CDC42EP2: variants seen among roughly 807,000 people sequenced by gnomAD.
CDC42EP2 encodes the protein CDC42 effector protein (Rho GTPase binding) 2.
CDC42EP2 carries 5 observed loss-of-function variants against 7.3 expected under a neutral mutation model. The observed-to-expected ratio is 0.68, with a 90% CI of 0.36 to 1.44. CDC42EP2 has a LOEUF of 1.44. CDC42EP2 is among the 40% of genes most tolerant of loss of function. The pLI, the probability that CDC42EP2 is intolerant of heterozygous loss-of-function variation, is 0.04. For synonymous variants in CDC42EP2, 113 were observed against 123.6 expected, an observed-to-expected ratio of 0.91 and a Z score of 0.57; for missense variants, 251 against 282.6, an observed-to-expected ratio of 0.89 and a Z score of 0.80.
rs1451764642 is a variant in CDC42EP2 at position 65,315,777 on chromosome 11, C to CCGG, written c.-356+823_-356+824insCGG. ...GCGGCCGCGGAGCCGGGCACCTCTC[C>CCGG]GGAGGCACCGGGACCCCGGGAGACC... On this transcript the variant is annotated intron_variant, in intron 1 of 1. Coordinates refer to ENST00000279249, the MANE Select transcript of CDC42EP2 (RefSeq NM_006779.4). This position sits in a 1 kb window ranked among gnomAD's most constrained non-coding sequence, Gnocchi z 4.1. Among the ~76,000 whole-genome samples, 1 of 152,170 alleles carries CCGG rather than the reference C, an allele frequency of 6.6e-6. No homozygotes were observed. The highest frequency in any genetic ancestry group is 1.5e-5 in the Non-Finnish European group (1 of 68,026).
At chr11:65,318,262 A>ATT (rs1162114989) in intron 1 of CDC42EP2, among the ~76,000 whole-genome samples, 1 of 132,576 alleles carries the variant, frequency 7.5e-6, no homozygotes, top group East Asian at 2.2e-4. Context: ...CACCTGGCAA[A>ATT]TTTTTTTTTT....
In CDC42EP2 at chr11:65,320,755, T is replaced by C; in HGVS notation, c.-144T>C. The C allele has an allele frequency of 1.3e-6, 1 of 776,020 alleles. No homozygotes were observed. The highest frequency in any genetic ancestry group is 2.0e-6 in the Non-Finnish European group (1 of 491,012). 48.1% of individuals were successfully genotyped at this position (776,020 alleles called of 1,614,324 possible). On this transcript the variant is annotated 5_prime_UTR_variant, in exon 2 of 2. Transcript: ENST00000279249. ...GCCAACTTTGTTCGTGCCCCCACAC[T>C]GTAGCCAGAAGCCCGTTGGCGAGCT... is the stretch of plus-strand genomic sequence containing the variant.
At chr11:65,320,389 T>C (rs959954946) in intron 1 of CDC42EP2, among the ~76,000 whole-genome samples, 155 bp from the exon 2 acceptor site, 1 of 152,120 alleles carries the variant, frequency 6.6e-6, no homozygotes, top group Non-Finnish European at 1.5e-5. Flanking sequence ...AAGAATTGCT[T>C]GAACCTGGGA....
In CDC42EP2 at chr11:65,320,635, T is replaced by C; in HGVS notation, c.-264T>C. 2.1e-6 allele frequency: 1 copy of C among 472,792 alleles called. No homozygotes were observed. Among genetic ancestry groups the C allele is most frequent in the Non-Finnish European group, 3.8e-6 (1 of 260,394 alleles). 29.3% of individuals were successfully genotyped at this position (472,792 alleles called of 1,614,324 possible). ...CAGTTCCTACCTTTCTGGCTTCAAT[T>C]CTTCAGAAGAGTTTGCCGTCCTTTG... is the stretch of plus-strand genomic sequence containing the variant. On this transcript the variant is annotated 5_prime_UTR_variant, in exon 2 of 2. Transcript: ENST00000279249.
chr11:65,318,614 G>A (rs187945196), intron 1 of CDC42EP2, among the ~76,000 whole-genome samples: 1,568 of 151,854 alleles, frequency 0.01, 30 homozygotes, highest in African/African-American at 0.036. Context: ...TAGTAGAGAC[G>A]GGGTTTCACC....
In CDC42EP2 at chr11:65,321,392, C is replaced by G. The variant is rs757121864; in HGVS notation, c.494C>G (p.Pro165Arg). ...GGCTCCCCCAACAGTGGACTGACCCCGGAGTCAGGGGCCGAGGAGCCCTTC... is the reference window on the plus strand; with the variant it reads ...GGCTCCCCCAACAGTGGACTGACCCGGGAGTCAGGGGCCGAGGAGCCCTTC... ...ETGSPNSGLT[P>R]ESGAEEPFLS... The change falls in exon 2 of 2, where the codon CCG (proline) becomes CGG (arginine). Residue 165 changes from proline (P) to arginine (R), a missense_variant. Physicochemically the swap from Pro to Arg is moderately radical, Grantham distance 103. Transcript: ENST00000279249. This position sits in a 1 kb window ranked among gnomAD's most constrained non-coding sequence, Gnocchi z 4.4. The G allele has an allele frequency of 1.2e-5, 19 of 1,613,654 alleles. No homozygotes were observed. The highest frequency in any genetic ancestry group is 1.5e-5 in the Non-Finnish European group (18 of 1,180,042).
chr11:65,321,049 A>T lies in CDC42EP2; in HGVS notation c.151A>T (p.Met51Leu), dbSNP rs888337019. Reference sequence around the variant, plus strand: ...TATTGGCAGTGGCGGCGGCAGTGACATGTTTGGCGACATCTCCTTCCTGCA... The same window carrying T: ...TATTGGCAGTGGCGGCGGCAGTGACTTGTTTGGCGACATCTCCTTCCTGCA... ...IHIGSGGGSDMFGDISFLQGK... is the reference protein window; with the variant it reads ...IHIGSGGGSDLFGDISFLQGK... Residue 51 changes from methionine (M) to leucine (L), a missense_variant, in exon 2 of 2, where the codon ATG becomes TTG. Physicochemically the swap from Met to Leu is conservative, Grantham distance 15. Coordinates refer to ENST00000279249, the MANE Select transcript of CDC42EP2 (RefSeq NM_006779.4). This position sits in a 1 kb window ranked among gnomAD's most constrained non-coding sequence, Gnocchi z 4.4. The T allele has an allele frequency of 1.9e-6, 3 of 1,613,908 alleles. No homozygotes were observed. Among genetic ancestry groups the T allele is most frequent in the Non-Finnish European group, 2.5e-6 (3 of 1,180,012 alleles).
intron 1 of CDC42EP2, among the ~76,000 whole-genome samples, chr11:65,319,154 A>C (rs367784223): frequency 1.5e-5 from 2 of 131,924 alleles, no homozygotes; most frequent in Non-Finnish European, 3.2e-5. Context: ...TTTTTGATGG[A>C]GTCTTCCTCT....
Position 65,320,934 on chromosome 11 carries a change from C to T in CDC42EP2, c.36C>T (p.Gly12=). ...STKVPIYLKR[G]SRKGKKEKLR... ...AGGTGCCCATCTATCTGAAGCGTGGCAGTCGCAAGGGCAAGAAGGAGAAGC... is the reference window on the plus strand; with the variant it reads ...AGGTGCCCATCTATCTGAAGCGTGGTAGTCGCAAGGGCAAGAAGGAGAAGC... Residue 12 remains glycine (G), a synonymous_variant, in exon 2 of 2, where the codon GGC becomes GGT. Coordinates refer to ENST00000279249, the MANE Select transcript of CDC42EP2 (RefSeq NM_006779.4). The T allele has an allele frequency of 6.2e-7, 1 of 1,609,162 alleles. No individual in the cohort carries two copies. Among genetic ancestry groups the T allele is most frequent in the South Asian group, 1.1e-5 (1 of 90,960 alleles).
rs767491989 is a variant in CDC42EP2, at chr11:65,321,597, C to T, written c.*66C>T. On this transcript the variant is annotated 3_prime_UTR_variant, in exon 2 of 2. Transcript: ENST00000279249. The surrounding 1 kb of genome is among the most constrained non-coding windows in gnomAD (Gnocchi z 4.4). The stretch of plus-strand genomic sequence containing the variant: ...GCCAGGAGGTGGGGTGTGGACCCGG[C>T]CCTGGCGGCGGAGTCAGGGTCCCAA... 1.3e-5 allele frequency: 19 copies of T among 1,467,494 alleles called. No individual in the cohort carries two copies. The highest frequency in any genetic ancestry group is 1.7e-5 in the Non-Finnish European group (18 of 1,084,482). The allele number at this position is 1,467,494 out of a possible 1,614,324, so 90.9% of individuals were successfully genotyped here. A position where few individuals can be genotyped will look rare whatever the true frequency, so the allele number is the denominator to read the frequency against.
intron 1 of CDC42EP2, among the ~76,000 whole-genome samples, chr11:65,318,962 A>C (rs995710772): frequency 5.3e-5 from 7 of 132,234 alleles, no homozygotes; most frequent in African/African-American, 8.7e-5. Flanking sequence ...CAACATGCAT[A>C]TGTGTCAGAG....
chr11:65,318,158 C>T (rs187995301), intron 1 of CDC42EP2, among the ~76,000 whole-genome samples: 116 of 151,876 alleles, frequency 7.6e-4, no homozygotes, highest in African/African-American at 2.7e-3. Flanking sequence ...TGCAGTGGCA[C>T]GATCTAGGCC....
At position 65,322,319 on chromosome 11, in the gene CDC42EP2, CTGGGG is replaced by C. The variant is rs1949979604; in HGVS notation, c.*793_*797del. ...ATGTTTGGCAAGAGGTGGCTGAGCA[CTGGGG>C]TGGGCTTGGCACTGTGCCAAGCCTG... On this transcript the variant is annotated 3_prime_UTR_variant, in exon 2 of 2. Transcript: ENST00000279249. The C allele has an allele frequency of 6.0e-6, 1 of 166,998 alleles. No individual in the cohort carries two copies. Among genetic ancestry groups the C allele is most frequent in the Non-Finnish European group, 1.5e-5 (1 of 68,154 alleles). 10.3% of individuals were successfully genotyped at this position (166,998 alleles called of 1,614,324 possible). A position where few individuals can be genotyped will look rare whatever the true frequency, so the allele number is the denominator to read the frequency against.
In CDC42EP2 at chr11:65,321,594, C is replaced by G; in HGVS notation, c.*63C>G. The G allele has an allele frequency of 6.8e-7, 1 of 1,464,670 alleles. No homozygotes were observed. Among genetic ancestry groups the G allele is most frequent in the Non-Finnish European group, 9.2e-7 (1 of 1,083,250 alleles). The allele number at this position is 1,464,670 out of a possible 1,614,324, so 90.7% of individuals were successfully genotyped here. ...CCAGCCAGGAGGTGGGGTGTGGACC[C>G]GGCCCTGGCGGCGGAGTCAGGGTCC... On this transcript the variant is annotated 3_prime_UTR_variant, in exon 2 of 2. Transcript: ENST00000279249. The surrounding 1 kb of genome is among the most constrained non-coding windows in gnomAD (Gnocchi z 4.4).
At position 65,315,488 on chromosome 11, in the gene CDC42EP2, G is replaced by A. The variant is rs1433453283; in HGVS notation, c.-356+534G>A. On this transcript the variant is annotated intron_variant, in intron 1 of 1. Coordinates refer to ENST00000279249, the MANE Select transcript of CDC42EP2 (RefSeq NM_006779.4). This position sits in a 1 kb window ranked among gnomAD's most constrained non-coding sequence, Gnocchi z 4.1. ...TGTGCCGAGCGGACACTAGGACATC[G>A]CCCAGGCCGGAAAGCACAGGGGGGA... is the stretch of plus-strand genomic sequence containing the variant. 6.6e-6 allele frequency among the ~76,000 whole-genome samples: 1 copy of A among 152,226 alleles called. No individual in the cohort carries two copies. The highest frequency in any genetic ancestry group is 6.5e-5 in the Admixed American group (1 of 15,286).
chr11:65,316,786 C>T (rs1949950089), intron 1 of CDC42EP2, among the ~76,000 whole-genome samples: 1 of 152,186 alleles, frequency 6.6e-6, no homozygotes, highest in Admixed American at 6.5e-5. Flanking sequence ...CCAGCTCTCC[C>T]CTGGGCCGCT....
intron 1 of CDC42EP2, among the ~76,000 whole-genome samples, chr11:65,320,195 G>A (rs1303710449): frequency 2.0e-5 from 3 of 152,084 alleles, no homozygotes; most frequent in Admixed American, 6.5e-5. Context: ...GGCCAGGCAC[G>A]GTGGCTCACA....
rs766649386 is a variant in CDC42EP2 at position 65,321,762 on chromosome 11, C to T, written c.*231C>T. 9.7e-5 allele frequency: 48 copies of T among 494,696 alleles called. No homozygotes were observed. The highest frequency in any genetic ancestry group is 2.1e-4 in the Admixed American group (6 of 29,104). The allele number at this position is 494,696 out of a possible 1,614,324, so 30.6% of individuals were successfully genotyped here. ...GGACACATCCTGAAGTCAGCCCAGGCGCCCTGAGCATCTTGGGGCACCTGG... is the reference window on the plus strand; with the variant it reads ...GGACACATCCTGAAGTCAGCCCAGGTGCCCTGAGCATCTTGGGGCACCTGG... On this transcript the variant is annotated 3_prime_UTR_variant, in exon 2 of 2. Transcript: ENST00000279249. The surrounding 1 kb of genome is among the most constrained non-coding windows in gnomAD (Gnocchi z 4.4).
At position 65,321,388 on chromosome 11, in the gene CDC42EP2, A is replaced by T. The variant is rs372202487; in HGVS notation, c.490A>T (p.Thr164Ser). ...PETGSPNSGL[T>S]PESGAEEPFL... ...GACTGGCTCCCCCAACAGTGGACTG[A>T]CCCCGGAGTCAGGGGCCGAGGAGCC... Residue 164 changes from threonine to serine, a missense_variant, in exon 2 of 2, where the codon ACC (threonine) becomes TCC (serine). Coordinates refer to ENST00000279249, the MANE Select transcript of CDC42EP2 (RefSeq NM_006779.4). This position sits in a 1 kb window ranked among gnomAD's most constrained non-coding sequence, Gnocchi z 4.4. 1.3e-4 allele frequency: 211 copies of T among 1,613,552 alleles called. 4 individuals carry two copies. The South Asian group carries it at 2.2e-3, about 17-fold the overall frequency.
Sources: gnomAD v4.1 joint callset for allele counts (sites outside exome capture counted in the v4.1 genomes callset) on GRCh38, gnomAD v4.1.1 for gene constraint, Gnocchi (gnomAD v3.1) non-coding constraint, MANE v1.5 for transcripts, NCBI Gene and HGNC (gene_info 2026-07-23, HGNC 2026-07-21) for gene names.